The following CNTN3 variants were observed in gnomAD, a reference collection of about 807,000 sequenced individuals.
The protein encoded by CNTN3 is contactin 3, also known as contactin-3.
Under a neutral mutation model 119.1 loss-of-function variants are expected in CNTN3, and 60 were observed. The observed-to-expected ratio is 0.50, with a 90% CI of 0.41 to 0.62. The LOEUF (loss-of-function observed/expected upper bound fraction) is 0.62, where lower values mean the gene tolerates loss of function less well. Among genes scored for constraint, CNTN3 ranks in the 20% least tolerant of loss-of-function variants. The pLI is 0.00. For synonymous variants in CNTN3, 450 were observed against 438.7 expected, an observed-to-expected ratio of 1.03 and a Z score of -0.32; for missense variants, 1,101 against 1,242.4, an observed-to-expected ratio of 0.89 and a Z score of 1.71.
At chr3:74,601,726 C>G (rs1250499273) in intron 1 of CNTN3, among the ~76,000 whole-genome samples, 1 of 152,068 alleles carries the variant, frequency 6.6e-6, no homozygotes, top group Non-Finnish European at 1.5e-5. Flanking sequence ...GGATAATTCC[C>G]CACCCTTGAC....
chr3:74,545,952 A>G (rs1703908392), intron 1 of CNTN3, among the ~76,000 whole-genome samples: 1 of 152,040 alleles, frequency 6.6e-6, no homozygotes, highest in African/African-American at 2.4e-5. Context: ...CTAAATTTTA[A>G]AAGTTTCTTC....
At chr3:74,316,966 A>G (rs1160300552) in intron 13 of CNTN3, among the ~76,000 whole-genome samples, 1 of 150,304 alleles carries the variant, frequency 6.7e-6, no homozygotes, top group Non-Finnish European at 1.5e-5. Flanking sequence ...ATTGTGTGGG[A>G]GTCTAAGTCT....
At chr3:74,459,505 C>T (rs9681632) in intron 4 of CNTN3, among the ~76,000 whole-genome samples, 2 of 151,786 alleles carry the variant, frequency 1.3e-5, no homozygotes, top group South Asian at 2.1e-4. Flanking sequence ...ATCTCTGACC[C>T]GCCTATCTTC....
intron 19 of CNTN3, among the ~76,000 whole-genome samples, chr3:74,294,655 C>T (rs1197909771): frequency 6.6e-6 from 1 of 152,110 alleles, no homozygotes; most frequent in Non-Finnish European, 1.5e-5. Context: ...GATGTTTCGT[C>T]CTATTTCACT....
chr3:74,319,714 T>A (rs1040726906), intron 13 of CNTN3, among the ~76,000 whole-genome samples: 2 of 151,114 alleles, frequency 1.3e-5, no homozygotes, highest in Admixed American at 1.3e-4. Context: ...GAAACTACCA[T>A]CAGAGTGAAC....
At chr3:74,289,906 T>C (rs1207401732) in intron 19 of CNTN3, among the ~76,000 whole-genome samples, 2 of 152,198 alleles carry the variant, frequency 1.3e-5, no homozygotes, top group East Asian at 1.9e-4. Flanking sequence ...AACTAGCAGA[T>C]CTGAACACAG....
chr3:74,578,833 T>C (rs879205354), intron 1 of CNTN3, among the ~76,000 whole-genome samples: 15 of 152,156 alleles, frequency 9.9e-5, no homozygotes, highest in Middle Eastern at 3.4e-3. Flanking sequence ...TTCCCTGAAA[T>C]ACTGCAAGGC....
chr3:74,584,910 T>G (rs1185878037), intron 1 of CNTN3, among the ~76,000 whole-genome samples: 1 of 152,152 alleles, frequency 6.6e-6, no homozygotes, highest in Non-Finnish European at 1.5e-5. Flanking sequence ...CCATCTTCCA[T>G]CATAATATCC....
At chr3:74,588,251 A>C (rs944569100) in intron 1 of CNTN3, among the ~76,000 whole-genome samples, 12 of 152,144 alleles carry the variant, frequency 7.9e-5, no homozygotes, top group African/African-American at 2.9e-4. Flanking sequence ...AAGCAACTTC[A>C]GCAAACTCTC....
At chr3:74,611,335 C>A (rs1286540254) in intron 1 of CNTN3, among the ~76,000 whole-genome samples, 1 of 151,994 alleles carries the variant, frequency 6.6e-6, no homozygotes, top group East Asian at 1.9e-4. Context: ...TATTACAAAC[C>A]CTTATTTCTT....
chr3:74,543,445 G>T (rs973438520), intron 1 of CNTN3, among the ~76,000 whole-genome samples: 1 of 152,120 alleles, frequency 6.6e-6, no homozygotes, highest in Non-Finnish European at 1.5e-5. Flanking sequence ...GAAGGTGTTA[G>T]AATGGTGTGA....
chr3:74,281,828 A>T (rs982618717), intron 20 of CNTN3, among the ~76,000 whole-genome samples: 10 of 152,134 alleles, frequency 6.6e-5, no homozygotes, highest in Non-Finnish European at 1.5e-5. Flanking sequence ...TTGGAAGGAG[A>T]ACCAATAATT....
chr3:74,319,502 T>G (rs1356899103), intron 13 of CNTN3, among the ~76,000 whole-genome samples: 2 of 152,058 alleles, frequency 1.3e-5, no homozygotes, highest in African/African-American at 4.8e-5. Flanking sequence ...TTACACCTTA[T>G]ACAAAAATTA....
At chr3:74,452,025 A>C (rs978529953) in intron 4 of CNTN3, among the ~76,000 whole-genome samples, 4 of 144,096 alleles carry the variant, frequency 2.8e-5, no homozygotes. Context: ...TATGAACTTT[A>C]AAGTAGTTTT....
intron 5 of CNTN3, among the ~76,000 whole-genome samples, chr3:74,402,555 C>G (rs1039160906): frequency 6.6e-6 from 1 of 152,122 alleles, no homozygotes; most frequent in Non-Finnish European, 1.5e-5. Context: ...CAGCAGATAC[C>G]TGCATCTGTT....
Position 74,487,674 on chromosome 3 carries a change from T to C in CNTN3, c.183-1043A>G, listed in dbSNP as rs9844016. Among the ~76,000 whole-genome samples the C allele has an allele frequency of 3.2e-3, 482 of 152,244 alleles. 3 individuals carry two copies. The highest frequency in any genetic ancestry group is 0.011 in the African/African-American group (465 of 41,568). On this transcript the variant is annotated intron_variant, in intron 3 of 22. Coordinates refer to ENST00000263665, the MANE Select transcript of CNTN3 (RefSeq NM_020872.3). ...AGTTCTTCAATGATGTTATGGGCCA[T>C]CTAAAAATTGTTGCTTTAATATATA...
chr3:74,334,993 A>G (rs1010457497), intron 12 of CNTN3, 83 bp from the exon 13 acceptor site: 4 of 984,344 alleles, frequency 4.1e-6, no homozygotes, highest in Non-Finnish European at 4.7e-6. Flanking sequence ...CATCTAACTT[A>G]TACTGTGTAT....
rs1053322417 is a variant in CNTN3, at chr3:74,480,499, G to GA, written c.358+5956dup. Among the ~76,000 whole-genome samples, 611 of 150,130 alleles carry GA rather than the reference G, an allele frequency of 4.1e-3. 5 individuals carry two copies. The highest frequency in any genetic ancestry group is 0.013 in the East Asian group (65 of 5,078). ...CAGTCAACAGTAATACTTAAAACTG[G>GA]AAAAAAAAATCAGTAAGCGGCAATA... On this transcript the variant is annotated intron_variant, in intron 4 of 22. Transcript: ENST00000263665.
At chr3:74,353,095 T>G (rs953396122) in intron 11 of CNTN3, among the ~76,000 whole-genome samples, 3 of 152,028 alleles carry the variant, frequency 2.0e-5, no homozygotes, top group African/African-American at 7.2e-5. Flanking sequence ...GGGAAAGAGA[T>G]GGAGAGAGAC....
Sources: allele counts gnomAD v4.1 joint callset (sites outside exome capture counted in the v4.1 genomes callset), GRCh38; gene constraint gnomAD v4.1.1; transcripts MANE v1.5; gene names NCBI Gene and HGNC (gene_info 2026-07-23, HGNC 2026-07-21).